Variants in CCSER1 observed in about 807,000 individuals in gnomAD.
The protein encoded by CCSER1 is coiled-coil serine rich protein 1.
CCSER1 carries 41 observed loss-of-function variants against 82.0 expected under a neutral mutation model. The observed-to-expected ratio is 0.50, with a 90% CI of 0.39 to 0.65. The LOEUF is 0.65. Among genes scored for constraint, CCSER1 ranks in the 30% least tolerant of loss-of-function variants. The probability of loss-of-function intolerance (pLI) is 0.00; values close to 1 mark genes in which losing one functional copy is unlikely to be tolerated. For missense variants in CCSER1, 1,119 were observed against 1,064.2 expected (o/e 1.05, Z -0.72); for synonymous variants, 414 against 383.9 (o/e 1.08, Z -0.92).
At chr4:91,046,236 C>G (rs1295722746) in intron 9 of CCSER1, among the ~76,000 whole-genome samples, 1 of 151,874 alleles carries the variant, frequency 6.6e-6, no homozygotes, top group Admixed American at 6.6e-5. Context: ...AATTACAATT[C>G]AAACCTAATG....
chr4:90,791,513 G>A (rs1005741606), intron 7 of CCSER1, among the ~76,000 whole-genome samples: 1 of 152,110 alleles, frequency 6.6e-6, no homozygotes, highest in African/African-American at 2.4e-5. Flanking sequence ...ACTCTTTGAA[G>A]GTTCAGATGA....
In CCSER1 at chr4:90,715,810, A is replaced by G. The variant is rs145444413; in HGVS notation, c.1933-8104A>G. Among the ~76,000 whole-genome samples, 208 of 152,202 alleles carry G rather than the reference A, an allele frequency of 1.4e-3. 1 individual carries two copies. The highest frequency in any genetic ancestry group is 6.8e-3 in the Middle Eastern group (2 of 294). On this transcript the variant is annotated intron_variant, in intron 6 of 10. Transcript: ENST00000509176. ...CAATTTTGTAATATTATTCAAAATT[A>G]CATTTGAATGTATCTTTCAGCCCAG...
intron 9 of CCSER1, among the ~76,000 whole-genome samples, chr4:91,078,204 C>A (rs1212772817): frequency 6.6e-6 from 1 of 152,130 alleles, no homozygotes; most frequent in African/African-American, 2.4e-5. Context: ...TAGGGGCCTA[C>A]TAACACCTCA....
chr4:91,574,196 A>G (rs1416058649), intron 10 of CCSER1, among the ~76,000 whole-genome samples: 5 of 152,142 alleles, frequency 3.3e-5, no homozygotes, highest in Non-Finnish European at 7.4e-5. Flanking sequence ...AAGAACTAAA[A>G]TAATTTTGAG....
intron 10 of CCSER1, among the ~76,000 whole-genome samples, chr4:91,455,508 T>A (rs1756111512): frequency 6.6e-6 from 1 of 152,024 alleles, no homozygotes; most frequent in East Asian, 1.9e-4. Flanking sequence ...AGGCACCATC[T>A]AGGAAACAGA....
At chr4:90,281,840 G>A (rs1429470744) in intron 1 of CCSER1, among the ~76,000 whole-genome samples, 2 of 151,996 alleles carry the variant, frequency 1.3e-5, no homozygotes, top group African/African-American at 2.4e-5. Context: ...GAGCAAAATT[G>A]TGTTAACTAA....
At chr4:90,320,207 G>A (rs1381514090) in intron 3 of CCSER1, among the ~76,000 whole-genome samples, 2 of 152,094 alleles carry the variant, frequency 1.3e-5, no homozygotes, top group South Asian at 2.1e-4. Context: ...GGAAAAATAG[G>A]CATCTAATAA....
chr4:90,847,667 T>TA lies in CCSER1; in HGVS notation c.2094+31828dup, dbSNP rs1454637895. Among the ~76,000 whole-genome samples, 9 of 152,216 alleles carry TA rather than the reference T, an allele frequency of 5.9e-5. No individual in the cohort carries two copies. In the East Asian group the frequency reaches 1.7e-3, roughly 29 times the overall value. ...TTTAAACGTCGACTTAGGTATACTT[T>TA]AAAAAACAAGAGAAAAAAAGGAAAA... On this transcript the variant is annotated intron_variant, in intron 8 of 10. Transcript: ENST00000509176.
chr4:90,508,868 T>C (rs1203824164), intron 5 of CCSER1, among the ~76,000 whole-genome samples: 1 of 152,076 alleles, frequency 6.6e-6, no homozygotes, highest in African/African-American at 2.4e-5. Flanking sequence ...TTGATTGTCT[T>C]ATCTCAAATA....
chr4:90,851,911 C>CT (rs1308768346), intron 8 of CCSER1, among the ~76,000 whole-genome samples: 2 of 152,108 alleles, frequency 1.3e-5, no homozygotes, highest in African/African-American at 4.8e-5. Flanking sequence ...TACTTTCTTT[C>CT]TTCAAAATAT....
chr4:91,092,861 T>G (rs1421947657), intron 10 of CCSER1, among the ~76,000 whole-genome samples: 1 of 152,182 alleles, frequency 6.6e-6, no homozygotes, highest in Non-Finnish European at 1.5e-5. Flanking sequence ...CCTCTGTGTC[T>G]GCTCAGGGGT....
intron 4 of CCSER1, among the ~76,000 whole-genome samples, chr4:90,437,243 A>G (rs1240600932): frequency 1.3e-5 from 2 of 152,066 alleles, no homozygotes; most frequent in African/African-American, 4.8e-5. Flanking sequence ...ACACGCACAC[A>G]TGCACACATA....
chr4:91,255,768 T>C (rs1740632671), intron 10 of CCSER1, among the ~76,000 whole-genome samples: 1 of 152,236 alleles, frequency 6.6e-6, no homozygotes, highest in Non-Finnish European at 1.5e-5. Context: ...TGGACATTTA[T>C]CACTTCCCCA....
At chr4:91,292,784 G>A (rs946684006) in intron 10 of CCSER1, among the ~76,000 whole-genome samples, 3 of 151,946 alleles carry the variant, frequency 2.0e-5, no homozygotes, top group Non-Finnish European at 4.4e-5. Flanking sequence ...AAAAAAGTCA[G>A]GAGGTGAATC....
At chr4:90,741,843 A>G (rs1746608118) in intron 7 of CCSER1, among the ~76,000 whole-genome samples, 1 of 152,226 alleles carries the variant, frequency 6.6e-6, no homozygotes, top group Non-Finnish European at 1.5e-5. Flanking sequence ...ATTCAGCATG[A>G]GTTCAGTTTA....
At chr4:90,934,562 T>C (rs186350773) in intron 9 of CCSER1, among the ~76,000 whole-genome samples, 267 of 152,192 alleles carry the variant, frequency 1.8e-3, no homozygotes, top group African/African-American at 6.0e-3. Flanking sequence ...GAATCAAAAA[T>C]CAGACAAAAT....
intron 4 of CCSER1, among the ~76,000 whole-genome samples, chr4:90,414,500 G>A (rs531453358): frequency 7.2e-5 from 11 of 152,030 alleles, no homozygotes; most frequent in African/African-American, 2.4e-4. Context: ...ATATGATCAA[G>A]CACAGGGATT....
At chr4:90,977,300 C>G (rs926281131) in intron 9 of CCSER1, among the ~76,000 whole-genome samples, 4 of 151,500 alleles carry the variant, frequency 2.6e-5, no homozygotes, top group African/African-American at 4.8e-5. Context: ...AAACTAAATT[C>G]CTAACTTGTT....
chr4:90,449,899 T>C (rs1409873746), intron 4 of CCSER1, among the ~76,000 whole-genome samples: 2 of 152,040 alleles, frequency 1.3e-5, no homozygotes, highest in African/African-American at 2.4e-5. Flanking sequence ...TTGGAAGGGG[T>C]GGGGCTTTTG....
Sources: gnomAD v4.1 joint callset for allele counts (sites outside exome capture counted in the v4.1 genomes callset) on GRCh38, gnomAD v4.1.1 for gene constraint, MANE v1.5 for transcripts, NCBI Gene and HGNC (gene_info 2026-07-23, HGNC 2026-07-21) for gene names.